The following LDAF1 variants were observed in gnomAD, a reference collection of about 807,000 sequenced individuals.
LDAF1 encodes lipid droplet assembly factor 1.
Under a neutral mutation model 13.5 loss-of-function variants are expected in LDAF1, and 7 were observed. The observed-to-expected ratio is 0.52, with a 90% CI of 0.29 to 0.97. LDAF1 has a LOEUF of 0.97. Among genes scored for constraint, LDAF1 ranks in the 50% least tolerant of loss-of-function variants. The probability of loss-of-function intolerance (pLI) is 0.07; values close to 1 mark genes in which losing one functional copy is unlikely to be tolerated. For missense variants in LDAF1, 148 were observed against 193.2 expected, an observed-to-expected ratio of 0.77 and a Z score of 1.39; for synonymous variants, 69 against 77.1, an observed-to-expected ratio of 0.89 and a Z score of 0.55.
At chr16:21,166,058 C>T (rs2093021197) in intron 2 of LDAF1, among the ~76,000 whole-genome samples, 1 of 152,042 alleles carries the variant, frequency 6.6e-6, no homozygotes. Context: ...GACGGGGTTT[C>T]ACCATGTTGA....
intron 2 of LDAF1, among the ~76,000 whole-genome samples, chr16:21,165,350 G>A (rs1352691503): frequency 6.6e-6 from 1 of 152,128 alleles, no homozygotes; most frequent in Non-Finnish European, 1.5e-5. Flanking sequence ...AGCGGAAGTT[G>A]CAGTGAGCCG....
intron 1 of LDAF1, among the ~76,000 whole-genome samples, chr16:21,160,468 AGAT>A (rs964091105): frequency 4.6e-5 from 7 of 152,200 alleles, no homozygotes; most frequent in African/African-American, 1.7e-4. Flanking sequence ...ACAAGTAAGT[AGAT>A]GATGATGTAT....
intron 2 of LDAF1, chr16:21,169,276 T>C (rs1567906811): frequency 1.4e-5 from 6 of 420,628 alleles, no homozygotes; most frequent in Non-Finnish European, 1.9e-5. Flanking sequence ...GGCAGTCTGA[T>C]TCATCAGGGC....
At chr16:21,165,621 T>G (rs959211767) in intron 2 of LDAF1, 49 of 981,604 alleles carry the variant, frequency 5.0e-5, no homozygotes, top group Non-Finnish European at 5.6e-5. Context: ...CTTGCCTGAT[T>G]TCCTGCAAAT....
chr16:21,168,719 A>T (rs572454503), intron 2 of LDAF1, among the ~76,000 whole-genome samples: 178 of 134,518 alleles, frequency 1.3e-3, no homozygotes, highest in African/African-American at 3.6e-3. Flanking sequence ...TTATATATAT[A>T]TTTTTAATAT....
chr16:21,167,914 G>A (rs1488256842), intron 2 of LDAF1, among the ~76,000 whole-genome samples: 2 of 149,346 alleles, frequency 1.3e-5, no homozygotes, highest in Admixed American at 1.3e-4. Flanking sequence ...GCTGAGGCGG[G>A]AGAATGGCTT....
rs1194385702 is a variant in LDAF1 at position 21,160,533 on chromosome 16, G to C, written c.-98-552G>C. On this transcript the variant is annotated intron_variant, in intron 1 of 4. Transcript: ENST00000233047. ...GTACAGTAATAAAGAAGAGAAACAGGTCAAGGCTACTGTTGTACAAGGAAA... is the reference window on the plus strand; with the variant it reads ...GTACAGTAATAAAGAAGAGAAACAGCTCAAGGCTACTGTTGTACAAGGAAA... 2.0e-5 allele frequency among the ~76,000 whole-genome samples: 3 copies of C among 152,118 alleles called. No homozygotes were observed. The East Asian group carries it at 5.8e-4, about 29-fold the overall frequency.
At chr16:21,166,363 G>A (rs1029243233) in intron 2 of LDAF1, among the ~76,000 whole-genome samples, 3 of 152,050 alleles carry the variant, frequency 2.0e-5, no homozygotes, top group East Asian at 1.9e-4. Context: ...ACAATTCAGC[G>A]AAATAGATTC....
At chr16:21,160,057 T>C in intron 1 of LDAF1, 1 of 719,462 alleles carries the variant, frequency 1.4e-6, no homozygotes, top group Non-Finnish European at 1.7e-6. Context: ...TGTGCTTTAA[T>C]TTGCATACTA....
intron 2 of LDAF1, among the ~76,000 whole-genome samples, chr16:21,162,593 A>AT (rs961593358): frequency 5.3e-5 from 8 of 151,424 alleles, no homozygotes; most frequent in East Asian, 1.9e-4. Flanking sequence ...TTTGTGGTGT[A>AT]TTTTTTTTTG....
At chr16:21,166,763 C>T (rs907420717) in intron 2 of LDAF1, 1 of 1,257,026 alleles carries the variant, frequency 8.0e-7, no homozygotes, top group African/African-American at 1.5e-5. Flanking sequence ...GAAGTCAGGA[C>T]CTGAGACAGC....
At chr16:21,172,343 G>A (rs1361789580) in intron 3 of LDAF1, among the ~76,000 whole-genome samples, 1 of 152,060 alleles carries the variant, frequency 6.6e-6, no homozygotes, top group Non-Finnish European at 1.5e-5. Context: ...CTACTTGGGA[G>A]GCTGAGACAG....
chr16:21,172,112 A>T (rs1427947345), intron 3 of LDAF1, among the ~76,000 whole-genome samples: 1 of 150,178 alleles, frequency 6.7e-6, no homozygotes, highest in East Asian at 2.0e-4. Flanking sequence ...GTTCAAGACC[A>T]CTCTGGGCAA....
At chr16:21,160,422 G>T (rs903314517) in intron 1 of LDAF1, among the ~76,000 whole-genome samples, 1 of 152,148 alleles carries the variant, frequency 6.6e-6, no homozygotes, top group African/African-American at 2.4e-5. Context: ...GTCTGCCCCC[G>T]AGGTGCAGTT....
intron 2 of LDAF1, 87 bp downstream of exon 2, chr16:21,161,365 A>C: frequency 1.4e-6 from 2 of 1,480,872 alleles, no homozygotes; most frequent in Non-Finnish European, 9.1e-7. Flanking sequence ...TCTCCAGTAG[A>C]AGGAATTTGG....
chr16:21,170,387 T>A (rs1409960444), intron 2 of LDAF1, 50 bp from the exon 3 acceptor site: 1 of 1,606,972 alleles, frequency 6.2e-7, no homozygotes, highest in Admixed American at 1.7e-5. Flanking sequence ...TCATTCAACC[T>A]GGGGTTCCGA....
At chr16:21,165,509 AG>A (rs1178523345) in intron 2 of LDAF1, 3 of 821,700 alleles carry the variant, frequency 3.7e-6, no homozygotes, top group Non-Finnish European at 4.4e-6. Context: ...ACAGTCCCTA[AG>A]TCCTGTGTAT....
At chr16:21,167,025 G>A (rs1013396634) in intron 2 of LDAF1, 70 of 964,434 alleles carry the variant, frequency 7.3e-5, no homozygotes, top group South Asian at 3.0e-4. Flanking sequence ...GCATTATGCC[G>A]TCCTGTGGCC....
chr16:21,164,487 G>T (rs905438427), intron 2 of LDAF1, among the ~76,000 whole-genome samples: 1 of 152,162 alleles, frequency 6.6e-6, no homozygotes, highest in African/African-American at 2.4e-5. Flanking sequence ...TTGGCCTCAA[G>T]CAGTCCTCCT....
Sources: gnomAD v4.1 joint callset for allele counts (sites outside exome capture counted in the v4.1 genomes callset) on GRCh38, gnomAD v4.1.1 for gene constraint, MANE v1.5 for transcripts, NCBI Gene and HGNC (gene_info 2026-07-23, HGNC 2026-07-21) for gene names.